Variants in LNX2 observed in about 807,000 individuals in gnomAD.
LNX2 encodes ligand of numb-protein X 2.
LNX2 carries 35 observed loss-of-function variants against 66.2 expected under a neutral mutation model. The observed-to-expected ratio is 0.53, with a 90% confidence interval of 0.40 to 0.70. LNX2 has a LOEUF of 0.70. Among genes scored for constraint, LNX2 ranks in the 30% least tolerant of loss-of-function variants. The pLI is 0.00. For missense variants in LNX2, 791 were observed against 850.8 expected (o/e 0.93, Z 0.87); for synonymous variants, 337 against 315.6 (o/e 1.07, Z -0.72).
chr13:27,603,506 A>G (rs909400382), intron 1 of LNX2, among the ~76,000 whole-genome samples: 1 of 152,234 alleles, frequency 6.6e-6, no homozygotes, highest in Non-Finnish European at 1.5e-5. Context: ...TCAATACAGT[A>G]GGCTTACATA....
chr13:27,596,436 G>T (rs982133691), intron 1 of LNX2, among the ~76,000 whole-genome samples: 2 of 151,984 alleles, frequency 1.3e-5, no homozygotes, highest in African/African-American at 4.8e-5. Context: ...TTCTAACAAA[G>T]CCAAATCACC....
Position 27,548,318 on chromosome 13 carries a change from A to C in LNX2, c.*17T>G. 6.3e-7 allele frequency: 1 copy of C among 1,597,586 alleles called. No individual in the cohort carries two copies. Among genetic ancestry groups the C allele is most frequent in the Non-Finnish European group, 8.5e-7 (1 of 1,173,844 alleles). On this transcript the variant is annotated 3_prime_UTR_variant, in exon 10 of 10. Coordinates refer to ENST00000316334, the MANE Select transcript of LNX2 (RefSeq NM_153371.4). ...CTAAAAAAGGAAGATGCAAGATTTG[A>C]AACCAATTTCCAAAATCTATACAAG...
At chr13:27,573,648 CAG>C (rs1955309733) in intron 2 of LNX2, among the ~76,000 whole-genome samples, 1 of 152,016 alleles carries the variant, frequency 6.6e-6, no homozygotes, top group Non-Finnish European at 1.5e-5. Flanking sequence ...ACCATGCACA[CAG>C]AACCCCCATG....
chr13:27,591,568 A>C (rs1220439866), intron 1 of LNX2, among the ~76,000 whole-genome samples: 1 of 152,156 alleles, frequency 6.6e-6, no homozygotes, highest in African/African-American at 2.4e-5. Flanking sequence ...TCTTTTCCCT[A>C]ACCTCAAATC....
rs555888666 is a variant in LNX2, at chr13:27,576,363, A to C, written c.407+4934T>G. ...TCCATCCATTAACAGCAGAATTTACATTATTCCCAAGTACACACAGGACAT... is the reference window on the plus strand; with the variant it reads ...TCCATCCATTAACAGCAGAATTTACCTTATTCCCAAGTACACACAGGACAT... On this transcript the variant is annotated intron_variant, in intron 2 of 9. Transcript: ENST00000316334. Among the ~76,000 whole-genome samples, 21 of 152,252 alleles carry C rather than the reference A, an allele frequency of 1.4e-4. No homozygotes were observed. The East Asian group carries it at 2.9e-3, about 21-fold the overall frequency.
At chr13:27,565,021 CA>C (rs1186182309) in intron 4 of LNX2, among the ~76,000 whole-genome samples, 3 of 152,122 alleles carry the variant, frequency 2.0e-5, no homozygotes, top group Non-Finnish European at 4.4e-5. Context: ...CTTTTCTTAT[CA>C]ATTTGAATCA....
intron 1 of LNX2, among the ~76,000 whole-genome samples, chr13:27,616,189 G>GC (rs948137750): frequency 1.0e-4 from 15 of 143,656 alleles, no homozygotes; most frequent in African/African-American, 1.1e-4. Context: ...TGGGGGGTTG[G>GC]GGGGGGTAGC....
Position 27,581,413 on chromosome 13 carries a change from C to T in LNX2, c.291G>A (p.Lys97=). The change falls in exon 2 of 10, where the codon AAG becomes AAA. Residue 97 remains lysine (K), a synonymous_variant. Coordinates refer to ENST00000316334, the MANE Select transcript of LNX2 (RefSeq NM_153371.4). The part of the protein sequence containing the change: ...DRKRLHFKLC[K]KSSILVHKLL... The stretch of plus-strand genomic sequence containing the variant: ...GTTTATGAACTAGAATACTAGACTT[C>T]TTGCACAACTTAAAATGAAGTCTTT... The T allele has an allele frequency of 6.2e-7, 1 of 1,607,862 alleles. No homozygotes were observed. Among genetic ancestry groups the T allele is most frequent in the Non-Finnish European group, 8.5e-7 (1 of 1,175,454 alleles).
chr13:27,583,208 G>C lies in LNX2; in HGVS notation c.-100-1405C>G, dbSNP rs1955425888. 6.6e-4 allele frequency among the ~76,000 whole-genome samples: 12 copies of C among 18,078 alleles called. 1 individual carries two copies. Among genetic ancestry groups the C allele is most frequent in the African/African-American group, 3.5e-3 (8 of 2,308 alleles). The allele number at this position is 18,078 out of a possible 152,430, so 11.9% of individuals were successfully genotyped here. A position where few individuals can be genotyped will look rare whatever the true frequency, so the allele number is the denominator to read the frequency against. ...TGTGTGTGTGTGTGTGTGTGTGTGTGTGTGTGTGTGTGTGTGTGTGTGTGT... is the reference window on the plus strand; with the variant it reads ...TGTGTGTGTGTGTGTGTGTGTGTGTCTGTGTGTGTGTGTGTGTGTGTGTGT... On this transcript the variant is annotated intron_variant, in intron 1 of 9. Transcript: ENST00000316334.
At chr13:27,611,748 G>A (rs1253256927) in intron 1 of LNX2, among the ~76,000 whole-genome samples, 1 of 152,060 alleles carries the variant, frequency 6.6e-6, no homozygotes, top group East Asian at 1.9e-4. Flanking sequence ...CTTAATATGG[G>A]AAAAAAGAAT....
rs905065113 is a variant in LNX2 at position 27,548,008 on chromosome 13, A to G, written c.*327T>C. ...TTCTATGATTCAGTTACTGAAAACAAAGACCCACCAGAAGGTCTTTACTCC... is the reference window on the plus strand; with the variant it reads ...TTCTATGATTCAGTTACTGAAAACAGAGACCCACCAGAAGGTCTTTACTCC... On this transcript the variant is annotated 3_prime_UTR_variant, in exon 10 of 10. Coordinates refer to ENST00000316334, the MANE Select transcript of LNX2 (RefSeq NM_153371.4). 1 of 272,100 alleles carries G rather than the reference A, an allele frequency of 3.7e-6. No individual in the cohort carries two copies. The highest frequency in any genetic ancestry group is 4.9e-5 in the Admixed American group (1 of 20,432). 16.9% of individuals were successfully genotyped at this position (272,100 alleles called of 1,614,324 possible).
intron 7 of LNX2, among the ~76,000 whole-genome samples, chr13:27,554,506 T>C (rs1312292706): frequency 2.0e-5 from 3 of 152,228 alleles, no homozygotes; most frequent in African/African-American, 7.2e-5. Flanking sequence ...CTTTTATATC[T>C]AGCTTCTTTT....
rs1305971980 is a variant in LNX2 at position 27,591,138 on chromosome 13, C to A, written c.-100-9335G>T. On this transcript the variant is annotated intron_variant, in intron 1 of 9. Coordinates refer to ENST00000316334, the MANE Select transcript of LNX2 (RefSeq NM_153371.4). Reference sequence around the variant, plus strand: ...ATGGCCTCAGGGGCAGGGACCAGAGCCTTGTTGGCCTTGATGTTTACACAG... The same window carrying A: ...ATGGCCTCAGGGGCAGGGACCAGAGACTTGTTGGCCTTGATGTTTACACAG... Among the ~76,000 whole-genome samples, 3 of 152,276 alleles carry A rather than the reference C, an allele frequency of 2.0e-5. No individual in the cohort carries two copies. In the East Asian group the frequency reaches 5.8e-4, roughly 29 times the overall value.
chr13:27,573,004 A>G (rs1955301144), intron 2 of LNX2, among the ~76,000 whole-genome samples: 1 of 152,224 alleles, frequency 6.6e-6, no homozygotes, highest in African/African-American at 2.4e-5. Flanking sequence ...CAGTAAGAAC[A>G]CTGGAAGAAA....
chr13:27,601,212 T>C (rs1955654223), intron 1 of LNX2, among the ~76,000 whole-genome samples: 1 of 152,194 alleles, frequency 6.6e-6, no homozygotes, highest in African/African-American at 2.4e-5. Flanking sequence ...TCCAAGGGAT[T>C]AAAAACAACT....
chr13:27,582,550 CTGAT>C (rs1233888653), intron 1 of LNX2, among the ~76,000 whole-genome samples: 2 of 152,172 alleles, frequency 1.3e-5, no homozygotes, highest in East Asian at 1.9e-4. Context: ...TTCTTTGCTT[CTGAT>C]TGATTTTACA....
chr13:27,556,435 T>A, intron 6 of LNX2, 22 bp from the exon 7 acceptor site: 2 of 1,598,616 alleles, frequency 1.3e-6, no homozygotes, highest in Non-Finnish European at 1.7e-6. Flanking sequence ...AAGAAAAAAA[T>A]CATTGGATAA....
chr13:27,564,564 C>G (rs888915874), intron 4 of LNX2, among the ~76,000 whole-genome samples: 2 of 151,908 alleles, frequency 1.3e-5, no homozygotes, highest in Non-Finnish European at 2.9e-5. Flanking sequence ...ATATGAAACT[C>G]TAAGAGTAGC....
At chr13:27,555,649 G>T (rs762551897) in intron 7 of LNX2, among the ~76,000 whole-genome samples, 2 of 152,154 alleles carry the variant, frequency 1.3e-5, no homozygotes, top group Non-Finnish European at 2.9e-5. Flanking sequence ...TTTAATTTGT[G>T]TTTATGGTGT....
Sources: allele counts gnomAD v4.1 joint callset (sites outside exome capture counted in the v4.1 genomes callset), GRCh38; gene constraint gnomAD v4.1.1; transcripts MANE v1.5; gene names NCBI Gene and HGNC (gene_info 2026-07-23, HGNC 2026-07-21).